Variants in DLGAP1 observed in about 807,000 individuals in gnomAD.
DLGAP1 encodes the protein disks large-associated protein 1.
A neutral mutation model predicts 90.8 loss-of-function variants in DLGAP1; 11 were observed. The ratio of observed to expected loss-of-function variants is 0.12; its 90% confidence interval spans 0.08 to 0.20. The LOEUF (loss-of-function observed/expected upper bound fraction) is 0.20. Among genes scored for constraint, DLGAP1 ranks in the 10% least tolerant of loss-of-function variants. DLGAP1 has a pLI of 1.00. For missense variants in DLGAP1, 1,050 were observed against 1,333.8 expected (o/e 0.79, Z 3.31); for synonymous variants, 558 against 540.7 (o/e 1.03, Z -0.44).
At chr18:3,913,497 T>C (rs1051541610) in intron 3 of DLGAP1, among the ~76,000 whole-genome samples, 9 of 152,206 alleles carry the variant, frequency 5.9e-5, no homozygotes, top group Non-Finnish European at 1.0e-4. Context: ...ACATGGAATA[T>C]AAAAAATTTC....
chr18:3,966,413 T>G (rs2085086353), intron 3 of DLGAP1, among the ~76,000 whole-genome samples: 1 of 152,126 alleles, frequency 6.6e-6, no homozygotes, highest in Non-Finnish European at 1.5e-5. Context: ...TACCACAAAA[T>G]CACTCCAGCT....
At chr18:3,867,697 A>AT (rs2148777425) in intron 4 of DLGAP1, among the ~76,000 whole-genome samples, 1 of 152,302 alleles carries the variant, frequency 6.6e-6, no homozygotes, top group East Asian at 1.9e-4. Context: ...GGGGAAAATC[A>AT]TTTCAAATTT....
At chr18:4,237,570 G>A (rs1484277733) in intron 1 of DLGAP1, among the ~76,000 whole-genome samples, 2 of 151,952 alleles carry the variant, frequency 1.3e-5, no homozygotes, top group Admixed American at 6.6e-5. Flanking sequence ...CTGACTCTGC[G>A]GCCCTCTCTT....
At chr18:4,294,762 G>T (rs1285999786) in intron 1 of DLGAP1, 1 of 152,372 alleles carries the variant, frequency 6.6e-6, no homozygotes, top group Non-Finnish European at 1.5e-5. Context: ...GAAGAATCAG[G>T]TGACACAGGG....
At chr18:4,062,978 C>T (rs1375798060) in intron 2 of DLGAP1, among the ~76,000 whole-genome samples, 2 of 152,112 alleles carry the variant, frequency 1.3e-5, no homozygotes, top group Non-Finnish European at 2.9e-5. Context: ...CTAACATATA[C>T]ACACACAAAA....
chr18:4,345,489 A>T (rs2081286542), intron 1 of DLGAP1, among the ~76,000 whole-genome samples: 1 of 152,224 alleles, frequency 6.6e-6, no homozygotes, highest in Non-Finnish European at 1.5e-5. Context: ...ACACTTCATC[A>T]TAACCAGTTG....
At chr18:4,052,751 T>C (rs764867391) in intron 2 of DLGAP1, among the ~76,000 whole-genome samples, 5 of 152,234 alleles carry the variant, frequency 3.3e-5, no homozygotes, top group Non-Finnish European at 5.9e-5. Context: ...CAAACTTTTA[T>C]GCTCTGCTTC....
chr18:3,638,384 A>T (rs2058803260), intron 7 of DLGAP1, among the ~76,000 whole-genome samples: 1 of 149,440 alleles, frequency 6.7e-6, no homozygotes. Flanking sequence ...AGTGTCTAGG[A>T]CTATGGACTT....
chr18:3,941,247 C>T (rs1387436086), intron 3 of DLGAP1, among the ~76,000 whole-genome samples: 2 of 152,206 alleles, frequency 1.3e-5, no homozygotes, highest in Non-Finnish European at 2.9e-5. Flanking sequence ...TGCTGGTGAT[C>T]TCTGCCTGGC....
intron 5 of DLGAP1, 73 bp downstream of exon 5, chr18:3,813,986 A>G (rs906313866): frequency 5.4e-6 from 8 of 1,470,668 alleles, no homozygotes; most frequent in Non-Finnish European, 7.6e-6. Flanking sequence ...TTACTCTAGG[A>G]GACACACCAT....
chr18:4,144,550 GTTAACAC>G (rs1427716184), intron 2 of DLGAP1, among the ~76,000 whole-genome samples: 2 of 152,184 alleles, frequency 1.3e-5, no homozygotes, highest in Non-Finnish European at 2.9e-5. Context: ...GTGATATGAA[GTTAACAC>G]CAGGTACTGT....
In DLGAP1 at chr18:4,207,422, C is replaced by T. The variant is rs377401192; in HGVS notation, c.-266-56135G>A. 1.8e-4 allele frequency among the ~76,000 whole-genome samples: 27 copies of T among 152,218 alleles called. 5 individuals carry two copies. Among genetic ancestry groups the T allele is most frequent in the East Asian group, 5.8e-4 (3 of 5,180 alleles). On this transcript the variant is annotated intron_variant, in intron 1 of 12. Coordinates refer to ENST00000315677, the MANE Select transcript of DLGAP1 (RefSeq NM_004746.4). ...CTCTCCCATGACACCTGGGGATTACCGGAACTACAATTCAAGATGCGATTT... is the reference window on the plus strand; with the variant it reads ...CTCTCCCATGACACCTGGGGATTACTGGAACTACAATTCAAGATGCGATTT...
Position 3,628,767 on chromosome 18 carries a change from C to A in DLGAP1, c.1592-46519G>T, listed in dbSNP as rs547506593. ...ATATGTATTCTTTTGTATTTTGCTT[C>A]TTTTACTTAATGTTGTGGGTTGATT... On this transcript the variant is annotated intron_variant, in intron 7 of 12. Transcript: ENST00000315677. Among the ~76,000 whole-genome samples, 3 of 152,250 alleles carry A rather than the reference C, an allele frequency of 2.0e-5. No homozygotes were observed. The South Asian group carries it at 6.2e-4, about 32-fold the overall frequency.
intron 5 of DLGAP1, among the ~76,000 whole-genome samples, chr18:3,761,920 A>G (rs2063986330): frequency 6.6e-6 from 1 of 152,122 alleles, no homozygotes; most frequent in Admixed American, 6.5e-5. Flanking sequence ...AGAAGTAGGA[A>G]TCTCTCTTTA....
At chr18:3,850,026 G>A (rs2069244777) in intron 4 of DLGAP1, among the ~76,000 whole-genome samples, 1 of 152,152 alleles carries the variant, frequency 6.6e-6, no homozygotes, top group South Asian at 2.1e-4. Flanking sequence ...AAGGCATGAA[G>A]ATTCAATATT....
At chr18:4,312,567 G>A (rs540060628) in intron 1 of DLGAP1, among the ~76,000 whole-genome samples, 1 of 152,292 alleles carries the variant, frequency 6.6e-6, no homozygotes, top group Non-Finnish European at 1.5e-5. Flanking sequence ...TTGACTTACA[G>A]TGGTTTACTG....
At chr18:4,190,092 A>G (rs767392923) in intron 1 of DLGAP1, among the ~76,000 whole-genome samples, 14 of 152,148 alleles carry the variant, frequency 9.2e-5, no homozygotes, top group Non-Finnish European at 1.9e-4. Context: ...AAACCTGCAC[A>G]CGAAAGCTAC....
At chr18:3,577,429 C>T (rs2055221743) in intron 8 of DLGAP1, among the ~76,000 whole-genome samples, 1 of 152,188 alleles carries the variant, frequency 6.6e-6, no homozygotes, top group Non-Finnish European at 1.5e-5. Context: ...GAGATTTTAA[C>T]CAATTCCATA....
At chr18:3,504,853 G>A (rs146366572) in intron 11 of DLGAP1, among the ~76,000 whole-genome samples, 80 of 152,294 alleles carry the variant, frequency 5.3e-4, no homozygotes, top group Admixed American at 2.1e-3. Flanking sequence ...ATGCACAACA[G>A]TGGCAGCTCA....
Sources: gnomAD v4.1 joint callset for allele counts (sites outside exome capture counted in the v4.1 genomes callset) on GRCh38, gnomAD v4.1.1 for gene constraint, MANE v1.5 for transcripts, NCBI Gene and HGNC (gene_info 2026-07-23, HGNC 2026-07-21) for gene names.